IRF4: variants seen among roughly 807,000 people sequenced by gnomAD.
IRF4 encodes the protein interferon regulatory factor 4, also known as lymphocyte-specific interferon regulatory factor.
In IRF4, 13 loss-of-function variants were observed where a neutral mutation model predicts 55.5. The observed-to-expected ratio is 0.23, with a 90% CI of 0.15 to 0.37. IRF4 has a LOEUF of 0.37. Among genes scored for constraint, IRF4 ranks in the 10% least tolerant of loss-of-function variants. The pLI, the probability that IRF4 is intolerant of heterozygous loss-of-function variation, is 1.00. For missense variants in IRF4, 397 were observed against 593.8 expected (o/e 0.67, Z 3.44); for synonymous variants, 249 against 240.7 (o/e 1.03, Z -0.32).
chr6:393,088 C>A lies in IRF4; in HGVS notation c.-55-10C>A, dbSNP rs113140285. The A allele has an allele frequency of 1.2e-5, 17 of 1,439,038 alleles. 3 individuals carry two copies. The African/African-American group carries it at 2.1e-4, about 18-fold the overall frequency. The allele number at this position is 1,439,038 out of a possible 1,614,324, so 89.1% of individuals were successfully genotyped here. A position where few individuals can be genotyped will look rare whatever the true frequency, so the allele number is the denominator to read the frequency against. ...GCCTCGTGGCTGAAGGGCAGCTCTT[C>A]TCCCCGCAGTGCAGAGCAGAGCGGG... is the stretch of plus-strand genomic sequence containing the variant. On this transcript the variant is annotated splice_polypyrimidine_tract_variant and intron_variant, in intron 1 of 8. Transcript: ENST00000380956. The surrounding 1 kb of genome is among the most constrained non-coding windows in gnomAD (Gnocchi z 5.4).
intron 5 of IRF4, among the ~76,000 whole-genome samples, chr6:398,056 A>G (rs1581225131): frequency 1.3e-5 from 2 of 152,336 alleles, no homozygotes; most frequent in East Asian, 1.9e-4. Context: ...ACTGAGTGGC[A>G]TGTTCACAAA....
chr6:410,307 T>A lies in IRF4; in HGVS notation c.*2709T>A, dbSNP rs866835536. On this transcript the variant is annotated 3_prime_UTR_variant, in exon 9 of 9. Coordinates refer to ENST00000380956, the MANE Select transcript of IRF4 (RefSeq NM_002460.4). ...TATTTAGGAAAACCTCAAGCAGTAA[T>A]TAATATCTCCTGGAACACTATAGAG... 4.4e-6 allele frequency: 1 copy of A among 227,236 alleles called. No homozygotes were observed. Among genetic ancestry groups the A allele is most frequent in the East Asian group, 6.3e-5 (1 of 15,970 alleles). 14.1% of individuals were successfully genotyped at this position (227,236 alleles called of 1,614,324 possible).
rs10530949 is a variant in IRF4 at position 409,826 on chromosome 6, GTCT to G, written c.*2233_*2235del. The G allele has an allele frequency of 0.61, 138,583 of 228,308 alleles. 42,204 individuals carry two copies. The highest frequency in any genetic ancestry group is 0.63 in the Admixed American group (11,047 of 17,584). The allele number at this position is 228,308 out of a possible 1,614,324, so 14.1% of individuals were successfully genotyped here. On this transcript the variant is annotated 3_prime_UTR_variant, in exon 9 of 9. Coordinates refer to ENST00000380956, the MANE Select transcript of IRF4 (RefSeq NM_002460.4). ...TGGAAGTCTGTCTCAGGAGCACCCT[GTCT>G]TCTTAATTCTCCAAGCGGATGCTCC... is the stretch of plus-strand genomic sequence containing the variant.
intron 4 of IRF4, 115 bp downstream of exon 4, chr6:396,050 C>G: frequency 4.0e-6 from 3 of 748,514 alleles, no homozygotes; most frequent in African/African-American, 1.8e-5. Flanking sequence ...TATGGCTGCT[C>G]CAACAGCCCA....
rs750617202 is a variant in IRF4 at position 409,523 on chromosome 6, C to T, written c.*1925C>T. The T allele has an allele frequency of 5.1e-5, 11 of 217,708 alleles. No homozygotes were observed. Among genetic ancestry groups the T allele is most frequent in the East Asian group, 4.0e-4 (6 of 15,006 alleles). The allele number at this position is 217,708 out of a possible 1,614,324, so 13.5% of individuals were successfully genotyped here. On this transcript the variant is annotated 3_prime_UTR_variant, in exon 9 of 9. Transcript: ENST00000380956. ...TGTAGCTAACAGTGAAGATTTACCT[C>T]GTTCTGCTCAGAGGCCTTGCTGTGG...
rs1220460994 is a variant in IRF4 at position 398,877 on chromosome 6, G to A, written c.687G>A (p.Gln229=). The part of the protein sequence containing the change: ...TFYACAPPES[Q]APGVPTEPSI... ...ATGCTTGTGCCCCACCTGAGTCCCA[G>A]GCTCCCGGAGTCCCCACAGAGCCAA... is the stretch of plus-strand genomic sequence containing the variant. Residue 229 remains glutamine, a synonymous_variant, in exon 6 of 9, where the codon CAG becomes CAA. Transcript: ENST00000380956. 1 of 1,613,708 alleles carries A rather than the reference G, an allele frequency of 6.2e-7. No homozygotes were observed.
Position 393,242 on chromosome 6 carries a change from C to T in IRF4, c.90C>T (p.Asp30=), listed in dbSNP as rs1407610583. The change falls in exon 2 of 9, where the codon GAC becomes GAT. Residue 30 remains aspartate (D), a synonymous_variant. Transcript: ENST00000380956. This position sits in a 1 kb window ranked among gnomAD's most constrained non-coding sequence, Gnocchi z 5.4. The part of the protein sequence containing the change: ...GNGKLRQWLI[D]QIDSGKYPGL... Reference sequence around the variant, plus strand: ...GGAAGCTCCGCCAGTGGCTGATCGACCAGATCGACAGCGGCAAGTACCCCG... The same window carrying T: ...GGAAGCTCCGCCAGTGGCTGATCGATCAGATCGACAGCGGCAAGTACCCCG... 2 of 1,582,900 alleles carry T rather than the reference C, an allele frequency of 1.3e-6. No homozygotes were observed. Among genetic ancestry groups the T allele is most frequent in the Non-Finnish European group, 1.7e-6 (2 of 1,164,436 alleles).
chr6:401,897 C>G (rs1761412315), intron 7 of IRF4, 120 bp downstream of exon 7: 5 of 831,608 alleles, frequency 6.0e-6, no homozygotes, highest in East Asian at 5.3e-5. Context: ...ACTTCGGCGC[C>G]CACTGGGCTT....
chr6:400,701 C>T (rs111895026), intron 6 of IRF4, among the ~76,000 whole-genome samples: 1 of 151,844 alleles, frequency 6.6e-6, no homozygotes, highest in Non-Finnish European at 1.5e-5. Flanking sequence ...TCAGTGCTTA[C>T]CCTTTAATGT....
intron 1 of IRF4, 120 bp from the exon 2 acceptor site, chr6:392,978 C>T: frequency 1.7e-6 from 1 of 585,974 alleles, no homozygotes; most frequent in South Asian, 2.4e-5. Context: ...CCTGACACGG[C>T]ACGCGCGCGC....
At chr6:400,966 C>T (rs1408952926) in intron 6 of IRF4, among the ~76,000 whole-genome samples, 1 of 152,092 alleles carries the variant, frequency 6.6e-6, no homozygotes, top group African/African-American at 2.4e-5. Context: ...AATTGATTTG[C>T]TTAAAGATGA....
intron 7 of IRF4, among the ~76,000 whole-genome samples, chr6:402,190 G>A (rs1026490442): frequency 5.3e-5 from 8 of 152,328 alleles, no homozygotes; most frequent in Middle Eastern, 6.8e-3. Context: ...GCTGGCCCAC[G>A]AGTGAGACGG....
In IRF4 at chr6:408,729, G is replaced by A. The variant is rs553058165; in HGVS notation, c.*1131G>A. 374 of 231,972 alleles carry A rather than the reference G, an allele frequency of 1.6e-3. 3 individuals carry two copies. In the Middle Eastern group the frequency reaches 0.021, roughly 13 times the overall value. 14.4% of individuals were successfully genotyped at this position (231,972 alleles called of 1,614,324 possible). A position where few individuals can be genotyped will look rare whatever the true frequency, so the allele number is the denominator to read the frequency against. On this transcript the variant is annotated 3_prime_UTR_variant, in exon 9 of 9. Coordinates refer to ENST00000380956, the MANE Select transcript of IRF4 (RefSeq NM_002460.4). ...TTTGGCTGTCCAGCGATCAGCCATG[G>A]CGACACTAAAGGAGGAGGAGCCGGG...
chr6:394,770 TAAA>T, intron 2 of IRF4, 48 bp from the exon 3 acceptor site: 2 of 1,539,886 alleles, frequency 1.3e-6, no homozygotes, highest in Non-Finnish European at 1.8e-6. Flanking sequence ...AGAAAGCTAA[TAAA>T]CCAGACATGT....
At chr6:401,279 C>G in intron 6 of IRF4, 145 bp from the exon 7 acceptor site, 1 of 628,472 alleles carries the variant, frequency 1.6e-6, no homozygotes, top group East Asian at 2.7e-5. Context: ...GTTTCCCAGG[C>G]CTCCTTGACG....
In IRF4 at chr6:411,081, G is replaced by A. The variant is rs1246334460; in HGVS notation, c.*3483G>A. 8.6e-6 allele frequency: 2 copies of A among 233,456 alleles called. No individual in the cohort carries two copies. Among genetic ancestry groups the A allele is most frequent in the Non-Finnish European group, 1.7e-5 (2 of 118,044 alleles). The allele number at this position is 233,456 out of a possible 1,614,324, so 14.5% of individuals were successfully genotyped here. ...TAGAGGGGACGTGAGAGAAGGGCCA[G>A]GCCGGCAGGCCAACCCTCCTCCAAT... On this transcript the variant is annotated 3_prime_UTR_variant, in exon 9 of 9. Transcript: ENST00000380956.
At chr6:397,368 T>A in intron 5 of IRF4, 116 bp downstream of exon 5, 1 of 1,263,956 alleles carries the variant, frequency 7.9e-7, no homozygotes, top group Non-Finnish European at 1.1e-6. Context: ...TCTTAGAGGC[T>A]GCGTGTGCAG....
chr6:406,007 C>T (rs1761534349), intron 8 of IRF4, among the ~76,000 whole-genome samples: 1 of 152,204 alleles, frequency 6.6e-6, no homozygotes, highest in African/African-American at 2.4e-5. Flanking sequence ...TGCTATTTCT[C>T]ATTGAGAACT....
chr6:407,246 C>T (rs1332962025), intron 8 of IRF4, among the ~76,000 whole-genome samples: 1 of 152,156 alleles, frequency 6.6e-6, no homozygotes, highest in Non-Finnish European at 1.5e-5. Flanking sequence ...AGAATTAAGT[C>T]ACTTTGGCTG....
Sources: gnomAD v4.1 joint callset for allele counts (sites outside exome capture counted in the v4.1 genomes callset) on GRCh38, gnomAD v4.1.1 for gene constraint, Gnocchi (gnomAD v3.1) non-coding constraint, MANE v1.5 for transcripts, NCBI Gene and HGNC (gene_info 2026-07-23, HGNC 2026-07-21) for gene names.